The following ERC2 variants were observed in gnomAD, a reference collection of about 807,000 sequenced individuals.
ERC2 encodes the protein ERC protein 2.
In ERC2, 42 loss-of-function variants were observed where a neutral mutation model predicts 114.8. The ratio of observed to expected loss-of-function variants is 0.37; its 90% CI spans 0.29 to 0.47. The LOEUF (loss-of-function observed/expected upper bound fraction) is 0.47. Among genes scored for constraint, ERC2 ranks in the 20% least tolerant of loss-of-function variants. ERC2 has a pLI of 0.99. For synonymous variants in ERC2, 454 were observed against 425.5 expected, an observed-to-expected ratio of 1.07 and a Z score of -0.82; for missense variants, 939 against 1,150.7, an observed-to-expected ratio of 0.82 and a Z score of 2.66.
At chr3:56,068,826 T>C (rs1234817413) in intron 7 of ERC2, among the ~76,000 whole-genome samples, 1 of 152,234 alleles carries the variant, frequency 6.6e-6, no homozygotes, top group Non-Finnish European at 1.5e-5. Flanking sequence ...GAGCAGGTTG[T>C]TCAATTTCCA....
chr3:55,722,075 CT>C, intron 15 of ERC2, among the ~76,000 whole-genome samples: 1 of 152,284 alleles, frequency 6.6e-6, no homozygotes, highest in Admixed American at 6.5e-5. Context: ...GACCACCTCT[CT>C]ATCTGATCTA....
intron 2 of ERC2, among the ~76,000 whole-genome samples, chr3:56,432,318 AC>A (rs760928450): frequency 8.5e-5 from 13 of 152,178 alleles, no homozygotes; most frequent in Non-Finnish European, 1.9e-4. Context: ...GAGCTTTCAA[AC>A]TTTTTGTCCC....
At chr3:56,022,085 C>G in intron 7 of ERC2, among the ~76,000 whole-genome samples, 1 of 152,046 alleles carries the variant, frequency 6.6e-6, no homozygotes, top group East Asian at 1.9e-4. Context: ...TGGGTATATA[C>G]CCAGTAATGG....
At chr3:55,728,812 C>T (rs116247455) in intron 15 of ERC2, among the ~76,000 whole-genome samples, 171 of 152,250 alleles carry the variant, frequency 1.1e-3, no homozygotes, top group African/African-American at 4.1e-3. Flanking sequence ...ACTCTGACGG[C>T]GTGTTGTTGA....
At chr3:56,306,338 C>T (rs943758179) in intron 2 of ERC2, among the ~76,000 whole-genome samples, 1 of 152,094 alleles carries the variant, frequency 6.6e-6, no homozygotes, top group Non-Finnish European at 1.5e-5. Context: ...AGCACTATTC[C>T]TAATAGCAAA....
chr3:55,916,134 A>ACCACG (rs1364053495), intron 13 of ERC2, among the ~76,000 whole-genome samples: 3 of 152,136 alleles, frequency 2.0e-5, no homozygotes, highest in African/African-American at 7.2e-5. Flanking sequence ...CATTCAGCTC[A>ACCACG]CTGTGGCAAC....
At chr3:55,916,043 A>G (rs1326398884) in intron 13 of ERC2, among the ~76,000 whole-genome samples, 1 of 152,162 alleles carries the variant, frequency 6.6e-6, no homozygotes, top group Non-Finnish European at 1.5e-5. Context: ...GCTGATGCAA[A>G]GTCCTAGAGC....
intron 10 of ERC2, among the ~76,000 whole-genome samples, chr3:55,993,932 A>T (rs1265424375): frequency 1.3e-5 from 2 of 152,160 alleles, no homozygotes; most frequent in African/African-American, 4.8e-5. Flanking sequence ...AAATTTCCTA[A>T]TCTCCACTTT....
At chr3:56,091,090 G>A (rs753685249) in intron 6 of ERC2, among the ~76,000 whole-genome samples, 1 of 151,982 alleles carries the variant, frequency 6.6e-6, no homozygotes, top group Non-Finnish European at 1.5e-5. Context: ...TTTAAAATTC[G>A]CTCTGGGTGT....
chr3:56,441,006 T>C (rs1473589047), intron 1 of ERC2, among the ~76,000 whole-genome samples: 1 of 152,230 alleles, frequency 6.6e-6, no homozygotes, highest in Non-Finnish European at 1.5e-5. Context: ...GAATCTGGAC[T>C]GGCCTTGTGA....
chr3:55,545,387 G>T (rs113958403), intron 17 of ERC2, among the ~76,000 whole-genome samples: 1 of 152,202 alleles, frequency 6.6e-6, no homozygotes, highest in Non-Finnish European at 1.5e-5. Flanking sequence ...ACCAGGACAC[G>T]CAGTGAACAC....
At chr3:56,181,209 G>A (rs1246571222) in intron 3 of ERC2, among the ~76,000 whole-genome samples, 1 of 152,102 alleles carries the variant, frequency 6.6e-6, no homozygotes, top group Admixed American at 6.6e-5. Context: ...ATGTGTTTTA[G>A]GTATCTTAAA....
Position 56,128,586 on chromosome 3 carries a change from AC to A in ERC2, c.1473+10922del. 1.3e-5 allele frequency among the ~76,000 whole-genome samples: 2 copies of A among 152,190 alleles called. 1 individual carries two copies. The stretch of plus-strand genomic sequence containing the variant: ...TTGATATGTGTCCTTACCCAAATGT[AC>A]TTTTTGAATTTGGATGAGAATGAGG... On this transcript the variant is annotated intron_variant, in intron 6 of 17. Coordinates refer to ENST00000288221, the MANE Select transcript of ERC2 (RefSeq NM_015576.3).
chr3:56,143,472 G>A (rs1448863835), intron 5 of ERC2, among the ~76,000 whole-genome samples: 1 of 152,176 alleles, frequency 6.6e-6, no homozygotes, highest in Non-Finnish European at 1.5e-5. Flanking sequence ...TCTCATGATA[G>A]TGAATAAATC....
intron 2 of ERC2, among the ~76,000 whole-genome samples, chr3:56,360,468 A>G (rs756765303): frequency 2.6e-5 from 4 of 152,164 alleles, no homozygotes; most frequent in Non-Finnish European, 4.4e-5. Context: ...AAAAGCAAGT[A>G]ATGATGATAC....
At chr3:56,133,005 G>A (rs562084139) in intron 6 of ERC2, among the ~76,000 whole-genome samples, 9 of 152,230 alleles carry the variant, frequency 5.9e-5, no homozygotes, top group East Asian at 5.8e-4. Context: ...ATGTTACCAC[G>A]AGGATTTAAG....
intron 14 of ERC2, among the ~76,000 whole-genome samples, chr3:55,820,151 G>A (rs1201270634): frequency 6.6e-6 from 1 of 152,150 alleles, no homozygotes; most frequent in Non-Finnish European, 1.5e-5. Context: ...GGGTCTAGAA[G>A]TGGAGCCCCA....
chr3:56,168,627 T>C (rs547346017), intron 4 of ERC2, among the ~76,000 whole-genome samples: 66 of 152,268 alleles, frequency 4.3e-4, no homozygotes, highest in African/African-American at 1.5e-3. Context: ...TATATGAAAC[T>C]TGGTAAAGTT....
chr3:55,881,340 C>T (rs979292535), intron 14 of ERC2, among the ~76,000 whole-genome samples: 20 of 152,150 alleles, frequency 1.3e-4, no homozygotes, highest in African/African-American at 4.3e-4. Context: ...CTGGAGAAGA[C>T]GTCTAAAACC....
Sources: allele counts gnomAD v4.1 joint callset (sites outside exome capture counted in the v4.1 genomes callset), GRCh38; gene constraint gnomAD v4.1.1; transcripts MANE v1.5; gene names NCBI Gene and HGNC (gene_info 2026-07-23, HGNC 2026-07-21).